Variants in ELK3 observed in about 807,000 individuals in gnomAD.
The protein encoded by ELK3 is ETS transcription factor ELK3.
ELK3 carries 10 observed loss-of-function variants against 28.9 expected under a neutral mutation model. The ratio of observed to expected loss-of-function variants is 0.35; its 90% CI spans 0.21 to 0.59. The LOEUF is 0.59. ELK3 is among the 20% of genes least tolerant of loss of function. The pLI, the probability that ELK3 is intolerant of heterozygous loss-of-function variation, is 0.82. For synonymous variants in ELK3, 272 were observed against 243.5 expected, an observed-to-expected ratio of 1.12 and a Z score of -1.09; for missense variants, 463 against 517.3, an observed-to-expected ratio of 0.90 and a Z score of 1.02.
At chr12:96,220,641 C>G (rs1261783643) in intron 1 of ELK3, among the ~76,000 whole-genome samples, 1 of 152,096 alleles carries the variant, frequency 6.6e-6, no homozygotes, top group African/African-American at 2.4e-5. Flanking sequence ...ATCCACCTGC[C>G]TCAGCCTCCC....
chr12:96,252,067 G>A (rs1467275679), intron 3 of ELK3, among the ~76,000 whole-genome samples: 1 of 152,238 alleles, frequency 6.6e-6, no homozygotes, highest in East Asian at 1.9e-4. Context: ...AGTCTTGTTA[G>A]TACAGCTTGT....
chr12:96,234,561 C>T (rs1233850429), intron 2 of ELK3, among the ~76,000 whole-genome samples: 1 of 152,226 alleles, frequency 6.6e-6, no homozygotes, highest in Non-Finnish European at 1.5e-5. Flanking sequence ...TGTGCTCCTC[C>T]ACGGCTCTTC....
intron 3 of ELK3, among the ~76,000 whole-genome samples, chr12:96,258,359 A>T (rs2137041313): frequency 6.6e-6 from 1 of 152,324 alleles, no homozygotes; most frequent in African/African-American, 2.4e-5. Flanking sequence ...TTTGGTATAA[A>T]TGTGTTTACA....
At chr12:96,241,170 A>C (rs1207636193) in intron 2 of ELK3, among the ~76,000 whole-genome samples, 2 of 152,216 alleles carry the variant, frequency 1.3e-5, no homozygotes, top group Non-Finnish European at 2.9e-5. Flanking sequence ...TGTGTCTTTC[A>C]TGCCTGTGGC....
intron 3 of ELK3, among the ~76,000 whole-genome samples, chr12:96,249,514 A>C (rs1434924704): frequency 6.6e-6 from 1 of 152,238 alleles, no homozygotes; most frequent in African/African-American, 2.4e-5. Context: ...GCTCAGAAAC[A>C]GCAGCTCCTG....
intron 2 of ELK3, among the ~76,000 whole-genome samples, chr12:96,240,718 A>G (rs1951815076): frequency 1.3e-5 from 2 of 152,182 alleles, no homozygotes; most frequent in Admixed American, 1.3e-4. Flanking sequence ...GAGGTAGGAG[A>G]GTTGCAGAAT....
At position 96,247,209 on chromosome 12, in the gene ELK3, G is replaced by A; in HGVS notation, c.477G>A (p.Lys159=). The A allele has an allele frequency of 1.9e-6, 3 of 1,614,184 alleles. No individual in the cohort carries two copies. The highest frequency in any genetic ancestry group is 2.5e-6 in the Non-Finnish European group (3 of 1,180,004). Reference sequence around the variant, plus strand: ...TGCAGAACCCACCAGACGCCTTCAAGGCCATCAAGACGGAGAAGCTGGAGG... The same window carrying A: ...TGCAGAACCCACCAGACGCCTTCAAAGCCATCAAGACGGAGAAGCTGGAGG... ...NSLQNPPDAF[K]AIKTEKLEEP... is the part of the protein sequence containing the mutation. The change falls in exon 3 of 5, where the codon AAG becomes AAA. Residue 159 remains lysine, a synonymous_variant. Coordinates refer to ENST00000228741, the MANE Select transcript of ELK3 (RefSeq NM_005230.4). This position sits in a 1 kb window ranked among gnomAD's most constrained non-coding sequence, Gnocchi z 5.5.
At chr12:96,224,090 C>T in intron 2 of ELK3, 1 of 297,250 alleles carries the variant, frequency 3.4e-6, no homozygotes, top group Non-Finnish European at 6.4e-6. Flanking sequence ...TTGAATGACA[C>T]AATGCGTGTT....
intron 4 of ELK3, among the ~76,000 whole-genome samples, chr12:96,264,214 G>C (rs1952013467): frequency 6.6e-6 from 1 of 152,064 alleles, no homozygotes; most frequent in South Asian, 2.1e-4. Context: ...TGAACTCCTG[G>C]GCTCGAGCAG....
In ELK3 at chr12:96,223,752, C is replaced by T. The variant is rs139820919; in HGVS notation, c.186C>T (p.Ala62=). 1.2e-5 allele frequency: 19 copies of T among 1,614,004 alleles called. No individual in the cohort carries two copies. In the African/African-American group the frequency reaches 2.3e-4, roughly 19 times the overall value. The change falls in exon 2 of 5, where the codon GCC becomes GCT. Residue 62 remains alanine (A), a synonymous_variant. Transcript: ENST00000228741. The part of the protein sequence containing the change: ...TNMNYDKLSR[A]LRYYYDKNII... ...TGAACTATGATAAGCTGAGCAGAGCCCTGCGATACTATTATGACAAGGTAA... is the reference window on the plus strand; with the variant it reads ...TGAACTATGATAAGCTGAGCAGAGCTCTGCGATACTATTATGACAAGGTAA...
Position 96,203,738 on chromosome 12 carries a change from C to T in ELK3, c.-3+9033C>T, listed in dbSNP as rs531476296. ...GGCAGATCACTTGAGGTTAGAAGTT[C>T]GATACCAGCCTGGCCAACATGGTGA... On this transcript the variant is annotated intron_variant, in intron 1 of 4. Transcript: ENST00000228741. Among the ~76,000 whole-genome samples, 12 of 152,260 alleles carry T rather than the reference C, an allele frequency of 7.9e-5. No individual in the cohort carries two copies. In the South Asian group the frequency reaches 1.7e-3, roughly 21 times the overall value.
intron 4 of ELK3, among the ~76,000 whole-genome samples, chr12:96,265,158 A>G (rs1452998800): frequency 2.6e-5 from 4 of 152,182 alleles, no homozygotes; most frequent in Admixed American, 6.5e-5. Flanking sequence ...AAGTTTGGGA[A>G]ACGTTGCAGT....
chr12:96,267,014 T>C (rs948608383), intron 4 of ELK3, 68 bp from the exon 5 acceptor site: 2 of 1,366,642 alleles, frequency 1.5e-6, no homozygotes, highest in Non-Finnish European at 2.0e-6. Flanking sequence ...TGTATGGGAA[T>C]GTAAAGAACC....
intron 1 of ELK3, among the ~76,000 whole-genome samples, chr12:96,198,300 G>A (rs1277128537): frequency 6.6e-6 from 1 of 152,154 alleles, no homozygotes; most frequent in African/African-American, 2.4e-5. Flanking sequence ...GGGCTCAAGT[G>A]ATGCTCCCAC....
At chr12:96,201,545 C>T (rs1164962908) in intron 1 of ELK3, among the ~76,000 whole-genome samples, 2 of 133,400 alleles carry the variant, frequency 1.5e-5, no homozygotes, top group Non-Finnish European at 1.5e-5. Flanking sequence ...TGCGCCACTA[C>T]ACTCCAGCCT....
chr12:96,215,564 G>T (rs1055361105), intron 1 of ELK3, among the ~76,000 whole-genome samples: 1 of 151,590 alleles, frequency 6.6e-6, no homozygotes, highest in Non-Finnish European at 1.5e-5. Flanking sequence ...TTGAGGCTCC[G>T]TCGGATTAAA....
rs1565787300 is a variant in ELK3 at position 96,241,425 on chromosome 12, T to TC, written c.208-5515_208-5514insC. Among the ~76,000 whole-genome samples, 49 of 119,512 alleles carry TC rather than the reference T, an allele frequency of 4.1e-4. 2 individuals carry two copies. The highest frequency in any genetic ancestry group is 4.0e-3 in the Admixed American group (42 of 10,632). 78.4% of individuals were successfully genotyped at this position (119,512 alleles called of 152,430 possible). A position where few individuals can be genotyped will look rare whatever the true frequency, so the allele number is the denominator to read the frequency against. ...CCTCTTCAAAGGGCACAGTGGAGCG[T>TC]TTGTGTGTGTGTGTGTGTGTGTGTG... On this transcript the variant is annotated intron_variant, in intron 2 of 4. Coordinates refer to ENST00000228741, the MANE Select transcript of ELK3 (RefSeq NM_005230.4).
chr12:96,198,310 C>A (rs7955113), intron 1 of ELK3, among the ~76,000 whole-genome samples: 44,620 of 152,024 alleles, frequency 0.29, 6,959 homozygotes, highest in East Asian at 0.6. Flanking sequence ...GATGCTCCCA[C>A]CTCAGCCTCC....
chr12:96,233,981 C>T (rs76527527), intron 2 of ELK3, among the ~76,000 whole-genome samples: 2,727 of 152,292 alleles, frequency 0.018, 81 homozygotes, highest in African/African-American at 0.063. Flanking sequence ...CCTGGGGGCG[C>T]AGGGGATGAC....
Sources: gnomAD v4.1 joint callset for allele counts (sites outside exome capture counted in the v4.1 genomes callset) on GRCh38, gnomAD v4.1.1 for gene constraint, Gnocchi (gnomAD v3.1) non-coding constraint, MANE v1.5 for transcripts, NCBI Gene and HGNC (gene_info 2026-07-23, HGNC 2026-07-21) for gene names.